HACE1: variants seen among roughly 807,000 people sequenced by gnomAD.
HACE1 encodes the protein HECT domain and ankyrin repeat containing E3 ubiquitin protein ligase 1.
HACE1 carries 73 observed loss-of-function variants against 118.4 expected under a neutral mutation model. The ratio of observed to expected loss-of-function variants is 0.62; its 90% CI spans 0.51 to 0.75. HACE1 has a LOEUF of 0.75. Among genes scored for constraint, HACE1 ranks in the 30% least tolerant of loss-of-function variants. The pLI is 0.00. For synonymous variants in HACE1, 368 were observed against 374.8 expected (o/e 0.98, Z 0.21); for missense variants, 749 against 1,102.2 (o/e 0.68, Z 4.54).
rs1211442290 is a variant in HACE1, at chr6:104,776,773, G to A, written c.1832C>T (p.Pro611Leu). The A allele has an allele frequency of 6.2e-7, 1 of 1,608,142 alleles. No individual in the cohort carries two copies. Among genetic ancestry groups the A allele is most frequent in the Admixed American group, 1.7e-5 (1 of 59,996 alleles). The part of the protein sequence containing the change: ...FDILSNEIVN[P>L]DYALFTQSAD... ...TGACTGGGTAAACAATGCATAATCA[G>A]GATTGACTATCTCATTGGACAGAAT... The change falls in exon 17 of 24, where the codon CCT (proline) becomes CTT (leucine). Residue 611 changes from proline to leucine, a missense_variant. By Grantham distance (98) the Pro-to-Leu change is moderately conservative. Around this residue, in one of 5 missense-constraint regions of HACE1, gnomAD observed 195 missense variants for 322.1 expected, o/e 0.61. Coordinates refer to ENST00000262903, the MANE Select transcript of HACE1 (RefSeq NM_020771.4).
chr6:104,809,500 G>C (rs1223007947), intron 7 of HACE1, among the ~76,000 whole-genome samples: 4 of 152,100 alleles, frequency 2.6e-5, no homozygotes, highest in African/African-American at 9.7e-5. Flanking sequence ...AACGCAAAGA[G>C]AATCACTGTG....
chr6:104,848,059 T>C lies in HACE1; in HGVS notation c.326+1083A>G, dbSNP rs571168580. Among the ~76,000 whole-genome samples, 9 of 151,330 alleles carry C rather than the reference T, an allele frequency of 5.9e-5. No individual in the cohort carries two copies. In the South Asian group the frequency reaches 1.5e-3, roughly 25 times the overall value. On this transcript the variant is annotated intron_variant, in intron 4 of 23. Transcript: ENST00000262903. ...TAGAGACAGGGTTTCACCACGTTGG[T>C]CAGACTGGTCTCAAACTCCTGACCT...
chr6:104,840,366 A>T (rs1774976467), intron 5 of HACE1, among the ~76,000 whole-genome samples: 1 of 152,190 alleles, frequency 6.6e-6, no homozygotes, highest in East Asian at 1.9e-4. Context: ...TATTGGAGGG[A>T]TACAAGGCTA....
chr6:104,741,940 A>G, intron 22 of HACE1, among the ~76,000 whole-genome samples: 1 of 151,866 alleles, frequency 6.6e-6, no homozygotes, highest in Non-Finnish European at 1.5e-5. Flanking sequence ...CCAAAACAGC[A>G]TGGTACTGGG....
At chr6:104,736,881 G>C in intron 22 of HACE1, among the ~76,000 whole-genome samples, 1 of 152,034 alleles carries the variant, frequency 6.6e-6, no homozygotes, top group East Asian at 1.9e-4. Flanking sequence ...ATGTATCTCT[G>C]AATAGTGGGA....
intron 22 of HACE1, among the ~76,000 whole-genome samples, chr6:104,743,146 A>G (rs1352753100): frequency 8.1e-6 from 1 of 124,136 alleles, no homozygotes; most frequent in Non-Finnish European, 1.6e-5. Flanking sequence ...GGAATATCAC[A>G]CTCTGGGGAC....
chr6:104,759,735 C>G lies in HACE1; in HGVS notation c.2212-9263G>C, dbSNP rs147696116. 1.1e-3 allele frequency among the ~76,000 whole-genome samples: 171 copies of G among 152,098 alleles called. 1 individual carries two copies. Among genetic ancestry groups the G allele is most frequent in the African/African-American group, 4.0e-3 (164 of 41,492 alleles). ...TGAAGGAGACAGGAACATGAAAAAC[C>G]CTTCAAACAAATCAATAAATCCAGG... On this transcript the variant is annotated intron_variant, in intron 19 of 23. Transcript: ENST00000262903.
chr6:104,745,962 C>G (rs1182797356), intron 20 of HACE1, among the ~76,000 whole-genome samples: 1 of 152,134 alleles, frequency 6.6e-6, no homozygotes, highest in Non-Finnish European at 1.5e-5. Context: ...TATATTTCAA[C>G]CAAACAACAT....
At chr6:104,852,395 T>G in intron 1 of HACE1, 24 bp from the exon 2 acceptor site, 1 of 1,323,578 alleles carries the variant, frequency 7.6e-7, no homozygotes, top group Non-Finnish European at 1.1e-6. Context: ...AACAAAGAGT[T>G]CATTTATCCC....
chr6:104,814,795 C>T lies in HACE1; in HGVS notation c.535-3402G>A, dbSNP rs1427684296. On this transcript the variant is annotated intron_variant, in intron 6 of 23. Transcript: ENST00000262903. ...AAAGTGTGTGGCACATCCCCCCTCACGCTCTTTCTCCCTCTCTCCTGCCAC... is the reference window on the plus strand; with the variant it reads ...AAAGTGTGTGGCACATCCCCCCTCATGCTCTTTCTCCCTCTCTCCTGCCAC... Among the ~76,000 whole-genome samples the T allele has an allele frequency of 5.8e-5, 8 of 137,458 alleles. 3 individuals carry two copies. Among genetic ancestry groups the T allele is most frequent in the African/African-American group, 1.5e-4 (5 of 34,168 alleles). 90.2% of individuals were successfully genotyped at this position (137,458 alleles called of 152,430 possible). A position where few individuals can be genotyped will look rare whatever the true frequency, so the allele number is the denominator to read the frequency against.
At chr6:104,789,832 A>T (rs937079737) in intron 11 of HACE1, among the ~76,000 whole-genome samples, 2 of 152,164 alleles carry the variant, frequency 1.3e-5, no homozygotes, top group East Asian at 3.9e-4. Flanking sequence ...TTCCGTCACT[A>T]ACAAAGTGAG....
rs931894160 is a variant in HACE1, at chr6:104,729,555, C to T, written c.*107G>A. ...ATCCTTTATAAATTGGAAGCATCAG[C>T]CCTGCCTATGGGTTGCATTTAGGCT... On this transcript the variant is annotated 3_prime_UTR_variant, in exon 24 of 24. Coordinates refer to ENST00000262903, the MANE Select transcript of HACE1 (RefSeq NM_020771.4). The T allele has an allele frequency of 6.7e-6, 5 of 742,026 alleles. No homozygotes were observed. Among genetic ancestry groups the T allele is most frequent in the Non-Finnish European group, 1.2e-5 (5 of 401,546 alleles). 46.0% of individuals were successfully genotyped at this position (742,026 alleles called of 1,614,324 possible).
At chr6:104,802,617 G>A (rs1418911161) in intron 7 of HACE1, among the ~76,000 whole-genome samples, 3 of 152,114 alleles carry the variant, frequency 2.0e-5, no homozygotes, top group African/African-American at 7.2e-5. Context: ...AATGACTATT[G>A]GGTAAATAAC....
At chr6:104,742,572 C>T (rs1432456168) in intron 22 of HACE1, among the ~76,000 whole-genome samples, 4 of 151,946 alleles carry the variant, frequency 2.6e-5, no homozygotes, top group African/African-American at 9.7e-5. Context: ...TGCTCATCAT[C>T]ACTGGCCATC....
At chr6:104,798,346 A>T (rs143314080) in intron 7 of HACE1, among the ~76,000 whole-genome samples, 1 of 152,172 alleles carries the variant, frequency 6.6e-6, no homozygotes, top group Non-Finnish European at 1.5e-5. Flanking sequence ...TCTCTTTCAC[A>T]AAACGGCACT....
intron 10 of HACE1, 87 bp from the exon 11 acceptor site, chr6:104,791,741 C>G (rs1783050563): frequency 1.2e-6 from 1 of 827,850 alleles, no homozygotes; most frequent in African/African-American, 1.7e-5. Flanking sequence ...TCCCACTGAC[C>G]ATCTGTTTCA....
intron 22 of HACE1, among the ~76,000 whole-genome samples, chr6:104,739,567 A>T (rs1776381351): frequency 1.3e-5 from 2 of 152,066 alleles, no homozygotes; most frequent in Non-Finnish European, 2.9e-5. Context: ...AAAGAGACAA[A>T]GAAGGCCATT....
At chr6:104,858,536 T>C (rs1305699305) in intron 1 of HACE1, 6 of 365,984 alleles carry the variant, frequency 1.6e-5, no homozygotes, top group Admixed American at 3.6e-5. Context: ...CTCATCTCTA[T>C]AAAAGAAAGG....
In HACE1 at chr6:104,734,973, G is replaced by C. The variant is rs78800976; in HGVS notation, c.2514-4557C>G. ...TACTTGACAACATAAATCAAAATAA[G>C]GTCCGGATGGTTTAAAAATTGGAAT... On this transcript the variant is annotated intron_variant, in intron 22 of 23. Transcript: ENST00000262903. 2.6e-3 allele frequency among the ~76,000 whole-genome samples: 393 copies of C among 151,814 alleles called. 14 individuals are homozygous for C. The East Asian group carries it at 0.064, about 25-fold the overall frequency.
Sources: gnomAD v4.1 joint callset for allele counts (sites outside exome capture counted in the v4.1 genomes callset) on GRCh38, gnomAD v4.1.1 for gene constraint, gnomAD v4.1.1 regional missense constraint, MANE v1.5 for transcripts, NCBI Gene and HGNC (gene_info 2026-07-23, HGNC 2026-07-21) for gene names.